Variants in AHNAK observed in about 807,000 individuals in gnomAD.
AHNAK encodes AHNAK nucleoprotein.
In AHNAK, 23 loss-of-function variants were observed where a neutral mutation model predicts 37.8. The ratio of observed to expected loss-of-function variants is 0.61; its 90% confidence interval spans 0.44 to 0.86. The LOEUF (loss-of-function observed/expected upper bound fraction) is 0.86. AHNAK is among the 40% of genes least tolerant of loss of function. The pLI, the probability that AHNAK is intolerant of heterozygous loss-of-function variation, is 0.00. For synonymous variants in AHNAK, 2,481 were observed against 2,636.3 expected, an observed-to-expected ratio of 0.94 and a Z score of 1.80; for missense variants, 7,411 against 7,319.4, an observed-to-expected ratio of 1.01 and a Z score of -0.46.
intron 5 of AHNAK, among the ~76,000 whole-genome samples, chr11:62,478,956 A>G (rs547333093): frequency 3.3e-5 from 5 of 151,678 alleles, no homozygotes; most frequent in African/African-American, 1.2e-4. Flanking sequence ...GCTCACTACA[A>G]CCTCCGCCTC....
At chr11:62,499,587 C>CG (rs1939677886) in intron 4 of AHNAK, among the ~76,000 whole-genome samples, 1 of 152,104 alleles carries the variant, frequency 6.6e-6, no homozygotes, top group Non-Finnish European at 1.5e-5. Context: ...GTTGAGCTGT[C>CG]GGCAGCTGCG....
At position 62,520,265 on chromosome 11, in the gene AHNAK, C is replaced by A. The variant is rs554290530; in HGVS notation, c.14152G>T (p.Ala4718Ser). Residue 4718 changes from alanine (A) to serine (S), a missense_variant, in exon 5 of 5, where the codon GCC (alanine) becomes TCC (serine). Physicochemically the swap from Ala to Ser is moderately conservative, Grantham distance 99. Transcript: ENST00000378024. ...ATATCAGGCATGGAGATCTTGGGGG[C>A]TTTGATGCTCATCTCAGGCATCTTG... ...KFKMPEMSIK[A>S]PKISMPDIDL... 506 of 1,612,996 alleles carry A rather than the reference C, an allele frequency of 3.1e-4. 3 individuals are homozygous for A. In the South Asian group the frequency reaches 5.2e-3, roughly 16 times the overall value.
chr11:62,488,903 G>T (rs1939446406), intron 5 of AHNAK, among the ~76,000 whole-genome samples: 1 of 151,996 alleles, frequency 6.6e-6, no homozygotes, highest in South Asian at 2.1e-4. Context: ...TGGTTCAAAG[G>T]CCCAGGAAGA....
intron 4 of AHNAK, among the ~76,000 whole-genome samples, chr11:62,506,816 G>A (rs972342393): frequency 6.6e-6 from 1 of 152,156 alleles, no homozygotes; most frequent in Non-Finnish European, 1.5e-5. Flanking sequence ...CGGGGCAGGA[G>A]AGCCTCGGGA....
At chr11:62,488,565 A>ATTTTTTTTTTTT (rs57544040) in intron 5 of AHNAK, among the ~76,000 whole-genome samples, 2 of 133,964 alleles carry the variant, frequency 1.5e-5, no homozygotes, top group African/African-American at 2.9e-5. Context: ...TGCCCAGCTA[A>ATTTTTTTTTTTT]TTTTTTTTTT....
At position 62,526,159 on chromosome 11, in the gene AHNAK, G is replaced by C. The variant is rs1940476529; in HGVS notation, c.8258C>G (p.Pro2753Arg). 2 of 1,613,610 alleles carry C rather than the reference G, an allele frequency of 1.2e-6. No individual in the cohort carries two copies. Among genetic ancestry groups the C allele is most frequent in the Admixed American group, 3.3e-5 (2 of 59,948 alleles). Residue 2753 changes from proline to arginine, a missense_variant, in exon 5 of 5, where the codon CCT becomes CGT. By Grantham distance (103) the Pro-to-Arg change is moderately radical. Transcript: ENST00000378024. ...GTCTGGGCCATGAACATCAACATCA[G>C]GTGCGTCAATGTCCACTTTTGGGCC... The part of the protein sequence containing the change: ...IKGPKVDIDA[P>R]DVDVHGPDWH...
chr11:62,439,239 C>T (rs1456543012), intron 5 of AHNAK, among the ~76,000 whole-genome samples: 4 of 151,726 alleles, frequency 2.6e-5, no homozygotes, highest in African/African-American at 4.8e-5. Context: ...GGATTACAAG[C>T]GCCCGCCACC....
In AHNAK at chr11:62,516,148, A is replaced by T. The variant is rs953461924; in HGVS notation, c.*596T>A. ...TGCAAACAGATTCTAATTTCCTCTC[A>T]CCGTCAGCACCAAACTGGCTGGGAC... On this transcript the variant is annotated 3_prime_UTR_variant, in exon 5 of 5. Coordinates refer to ENST00000378024, the MANE Select transcript of AHNAK (RefSeq NM_001620.3). 1.6e-6 allele frequency: 2 copies of T among 1,287,580 alleles called. No homozygotes were observed. The highest frequency in any genetic ancestry group is 3.0e-5 in the African/African-American group (2 of 65,736). The allele number at this position is 1,287,580 out of a possible 1,614,324, so 79.8% of individuals were successfully genotyped here. A position where few individuals can be genotyped will look rare whatever the true frequency, so the allele number is the denominator to read the frequency against.
intron 5 of AHNAK, among the ~76,000 whole-genome samples, chr11:62,474,648 G>C (rs2513056): frequency 0.11 from 16,128 of 152,218 alleles, 2,261 homozygotes; most frequent in African/African-American, 0.33. Context: ...TCCTCACAAG[G>C]ATCTTGTGAG....
intron 3 of AHNAK, 35 bp from the exon 4 acceptor site, chr11:62,535,225 A>G: frequency 2.5e-6 from 4 of 1,585,788 alleles, no homozygotes; most frequent in Non-Finnish European, 3.5e-6. Flanking sequence ...GGTAAGGCCC[A>G]AAGAGCCTCA....
At chr11:62,507,266 C>G (rs1280960029) in intron 4 of AHNAK, among the ~76,000 whole-genome samples, 1 of 152,100 alleles carries the variant, frequency 6.6e-6, no homozygotes, top group Non-Finnish European at 1.5e-5. Flanking sequence ...CTTCTCTGAG[C>G]CTCAGTTTCT....
chr11:62,523,608 G>A lies in AHNAK; in HGVS notation c.10809C>T (p.Pro3603=), dbSNP rs1414753248. 1.1e-5 allele frequency: 17 copies of A among 1,613,994 alleles called. No homozygotes were observed. Among genetic ancestry groups the A allele is most frequent in the Non-Finnish European group, 1.4e-5 (17 of 1,179,996 alleles). Residue 3603 remains proline (P), a synonymous_variant, in exon 5 of 5, where the codon CCC becomes CCT. Transcript: ENST00000378024. The stretch of plus-strand genomic sequence containing the variant: ...TGCTGAACTTGGGCATTTTCACTTT[G>A]GGCATCTTCAGATGCCAGTCTGGAC... ...VHGPDWHLKM[P]KVKMPKFSMP... is the part of the protein sequence containing the mutation.
intron 5 of AHNAK, among the ~76,000 whole-genome samples, chr11:62,450,809 G>C (rs546069044): frequency 7.2e-5 from 11 of 152,358 alleles, no homozygotes; most frequent in African/African-American, 2.6e-4. Context: ...TTGCGTTCTG[G>C]GCATCTAGCA....
intron 5 of AHNAK, among the ~76,000 whole-genome samples, chr11:62,440,918 C>A (rs1938292911): frequency 6.6e-6 from 1 of 152,070 alleles, no homozygotes; most frequent in South Asian, 2.1e-4. Context: ...GTAATCCCAG[C>A]ACTTTGTGAG....
Position 62,533,876 on chromosome 11 carries a change from T to C in AHNAK, c.541A>G (p.Lys181Glu). ...AGTTCATGTCTTGGAATCTTGATCT[T>C]GAATTCAGGGCTACTGATGTCTATG... ...KDIDISSPEF[K>E]IKIPRHELTE... The change falls in exon 5 of 5, where the codon AAG becomes GAG. Residue 181 changes from lysine to glutamate, a missense_variant. Lys to Glu is a moderately conservative substitution (Grantham distance 56, BLOSUM62 1). Coordinates refer to ENST00000378024, the MANE Select transcript of AHNAK (RefSeq NM_001620.3). The C allele has an allele frequency of 6.2e-7, 1 of 1,614,208 alleles. No individual in the cohort carries two copies. Among genetic ancestry groups the C allele is most frequent in the Non-Finnish European group, 8.5e-7 (1 of 1,180,032 alleles).
At position 62,531,439 on chromosome 11, in the gene AHNAK, T is replaced by C; in HGVS notation, c.2978A>G (p.Asp993Gly). ...AATCTTTGGCATCTTCAAGTTCCAG[T>C]CAGGACCCTGCATTTCAACATCTGG... ...SAPDVEMQGP[D>G]WNLKMPKIKM... Residue 993 changes from aspartate to glycine, a missense_variant, in exon 5 of 5, where the codon GAC becomes GGC. Coordinates refer to ENST00000378024, the MANE Select transcript of AHNAK (RefSeq NM_001620.3). 6.2e-7 allele frequency: 1 copy of C among 1,614,214 alleles called. No individual in the cohort carries two copies. Among genetic ancestry groups the C allele is most frequent in the South Asian group, 1.1e-5 (1 of 91,082 alleles).
At position 62,531,400 on chromosome 11, in the gene AHNAK, A is replaced by T; in HGVS notation, c.3017T>A (p.Phe1006Tyr). 6.2e-7 allele frequency: 1 copy of T among 1,614,110 alleles called. No homozygotes were observed. Among genetic ancestry groups the T allele is most frequent in the South Asian group, 1.1e-5 (1 of 91,066 alleles). ...CTCTCCTTTGAGGCTGGGCATGCTA[A>T]ATTTGGGCATTTTAATCTTTGGCAT... The part of the protein sequence containing the change: ...LKMPKIKMPK[F>Y]SMPSLKGEGP... Residue 1006 changes from phenylalanine to tyrosine, a missense_variant, in exon 5 of 5, where the codon TTT (phenylalanine) becomes TAT (tyrosine). Phe to Tyr is a conservative substitution (Grantham distance 22, BLOSUM62 3). Coordinates refer to ENST00000378024, the MANE Select transcript of AHNAK (RefSeq NM_001620.3).
downstream of AHNAK, among the ~76,000 whole-genome samples, chr11:62,513,668 T>C (rs1939955943): frequency 6.6e-6 from 1 of 152,174 alleles, no homozygotes; most frequent in African/African-American, 2.4e-5. Flanking sequence ...CATAAGCCCG[T>C]GTCTCCTCCC....
At chr11:62,448,725 C>T (rs750852217) in intron 5 of AHNAK, among the ~76,000 whole-genome samples, 6 of 152,138 alleles carry the variant, frequency 3.9e-5, no homozygotes, top group Non-Finnish European at 5.9e-5. Context: ...GCTCAGTGTT[C>T]AAGGCTGGAG....
Sources: allele counts gnomAD v4.1 joint callset (sites outside exome capture counted in the v4.1 genomes callset), GRCh38; gene constraint gnomAD v4.1.1; transcripts MANE v1.5; gene names NCBI Gene and HGNC (gene_info 2026-07-23, HGNC 2026-07-21).